SMYD1: variants seen among roughly 807,000 people sequenced by gnomAD.
SMYD1 encodes SET and MYND domain containing 1.
SMYD1 carries 49 observed loss-of-function variants against 54.0 expected under a neutral mutation model. The ratio of observed to expected loss-of-function variants is 0.91; its 90% CI spans 0.72 to 1.15. SMYD1 has a LOEUF of 1.15. Ranked by LOEUF, SMYD1 falls within the 50% of genes most tolerant of loss-of-function variation. The pLI is 0.00. For synonymous variants in SMYD1, 269 were observed against 234.2 expected (o/e 1.15, Z -1.36); for missense variants, 653 against 639.6 (o/e 1.02, Z -0.23).
chr2:88,091,382 C>A (rs1358205739), intron 4 of SMYD1, among the ~76,000 whole-genome samples: 1 of 152,190 alleles, frequency 6.6e-6, no homozygotes, highest in African/African-American at 2.4e-5. Context: ...GCTGCCTGGA[C>A]AGGTTAGATA....
intron 5 of SMYD1, among the ~76,000 whole-genome samples, chr2:88,096,205 AG>A (rs1674581854): frequency 6.6e-6 from 1 of 152,160 alleles, no homozygotes; most frequent in Non-Finnish European, 1.5e-5. Flanking sequence ...AAATATTTTT[AG>A]GTTTTTTCTT....
At chr2:88,082,672 G>A (rs2103986963) in intron 1 of SMYD1, 1 of 154,480 alleles carries the variant, frequency 6.5e-6, no homozygotes, top group East Asian at 1.9e-4. Flanking sequence ...GTGTATCAGA[G>A]GCCACCAGAA....
chr2:88,103,073 G>C lies in SMYD1; in HGVS notation c.904G>C (p.Val302Leu). The C allele has an allele frequency of 6.2e-7, 1 of 1,614,088 alleles. No homozygotes were observed. The highest frequency in any genetic ancestry group is 8.5e-7 in the Non-Finnish European group (1 of 1,179,982). Reference protein sequence around the residue: ...KDNPKPSQEVVKEMIQFSKDT... With the variant: ...KDNPKPSQEVLKEMIQFSKDT... The stretch of plus-strand genomic sequence containing the variant: ...TCTTTCCCAGCCCTCTCAGGAAGTG[G>C]TGAAGGAGATGATACAATTCTCCAA... Residue 302 changes from valine to leucine, a missense_variant, in exon 7 of 10, where the codon GTG becomes CTG. By Grantham distance (32) the Val-to-Leu change is conservative. Transcript: ENST00000419482.
At chr2:88,089,068 C>T (rs1674404914) in intron 3 of SMYD1, among the ~76,000 whole-genome samples, 1 of 152,198 alleles carries the variant, frequency 6.6e-6, no homozygotes, top group Non-Finnish European at 1.5e-5. Context: ...GGATTTGGCT[C>T]ACGCAATGGT....
chr2:88,106,443 T>C lies in SMYD1; in HGVS notation c.1100T>C (p.Phe367Ser). The C allele has an allele frequency of 6.2e-7, 1 of 1,614,182 alleles. No individual in the cohort carries two copies. Among genetic ancestry groups the C allele is most frequent in the Admixed American group, 1.7e-5 (1 of 60,024 alleles). ...VSEVLSYLQA[F>S]EEASFYARRM... Reference sequence around the variant, plus strand: ...GAGGTCCTTTCCTACCTCCAGGCCTTTGAGGAGGCCTCGTTCTATGCCAGG... The same window carrying C: ...GAGGTCCTTTCCTACCTCCAGGCCTCTGAGGAGGCCTCGTTCTATGCCAGG... The change falls in exon 8 of 10, where the codon TTT (phenylalanine) becomes TCT (serine). Residue 367 changes from phenylalanine (F) to serine (S), a missense_variant. By Grantham distance (155) the Phe-to-Ser change is radical (BLOSUM62 -2). Transcript: ENST00000419482.
intron 1 of SMYD1, among the ~76,000 whole-genome samples, chr2:88,082,133 A>C (rs986059229): frequency 6.6e-6 from 1 of 152,090 alleles, no homozygotes; most frequent in African/African-American, 2.4e-5. Flanking sequence ...TGACCTTCTC[A>C]GGGAGGGTGC....
At chr2:88,077,011 CAA>C (rs112988082) in intron 1 of SMYD1, among the ~76,000 whole-genome samples, 34 of 117,112 alleles carry the variant, frequency 2.9e-4, no homozygotes, top group Non-Finnish European at 2.5e-4. Flanking sequence ...GACCCTGTCT[CAA>C]AAAAAAAAAA....
At chr2:88,107,652 CT>C (rs1249740219) in intron 8 of SMYD1, among the ~76,000 whole-genome samples, 1 of 152,238 alleles carries the variant, frequency 6.6e-6, no homozygotes, top group East Asian at 1.9e-4. Flanking sequence ...GCGGGCGCCC[CT>C]CCCCCAGCCT....
intron 1 of SMYD1, among the ~76,000 whole-genome samples, chr2:88,080,123 C>A (rs1349238551): frequency 1.3e-5 from 2 of 152,148 alleles, no homozygotes; most frequent in Admixed American, 6.5e-5. Context: ...CAGAGTTGTT[C>A]CAGGTTGTGT....
At chr2:88,071,925 A>G (rs781209336) in intron 1 of SMYD1, among the ~76,000 whole-genome samples, 80 of 151,894 alleles carry the variant, frequency 5.3e-4, no homozygotes, top group Non-Finnish European at 1.0e-3. Context: ...CATGGGGTCA[A>G]ACTGGGAATT....
chr2:88,107,465 C>T, intron 8 of SMYD1, among the ~76,000 whole-genome samples: 1 of 152,202 alleles, frequency 6.6e-6, no homozygotes, highest in East Asian at 1.9e-4. Context: ...CTCCCTTGAC[C>T]TTCCTACCAC....
intron 1 of SMYD1, among the ~76,000 whole-genome samples, chr2:88,075,534 CTTTTTT>C (rs35091980): frequency 3.9e-5 from 4 of 103,578 alleles, no homozygotes; most frequent in African/African-American, 1.4e-4. Context: ...CCTTTTAATT[CTTTTTT>C]TTTTTTTTTT....
chr2:88,083,849 C>A (rs1558849778), intron 1 of SMYD1, among the ~76,000 whole-genome samples: 1 of 152,212 alleles, frequency 6.6e-6, no homozygotes, highest in Non-Finnish European at 1.5e-5. Context: ...GTAATCCCAG[C>A]ACTTTGGGAG....
rs1008227652 is a variant in SMYD1, at chr2:88,108,400, T to G, written c.1175T>G (p.Leu392Arg). The G allele has an allele frequency of 6.2e-7, 1 of 1,603,932 alleles. No individual in the cohort carries two copies. The highest frequency in any genetic ancestry group is 8.5e-7 in the Non-Finnish European group (1 of 1,176,082). ...MKLYHPNNAQ[L>R]GMAVMRAGLT... ...CTCTACCACCCCAACAATGCCCAAC[T>G]GGGCATGGCCGTGATGCGGGCAGGG... The change falls in exon 9 of 10, where the codon CTG becomes CGG. Residue 392 changes from leucine to arginine, a missense_variant. Coordinates refer to ENST00000419482, the MANE Select transcript of SMYD1 (RefSeq NM_198274.4).
intron 6 of SMYD1, among the ~76,000 whole-genome samples, chr2:88,098,995 CTT>C (rs1367548851): frequency 6.6e-6 from 1 of 152,144 alleles, no homozygotes; most frequent in South Asian, 2.1e-4. Context: ...AATAGCAAAA[CTT>C]ATGACATTTT....
At position 88,103,144 on chromosome 2, in the gene SMYD1, T is replaced by C. The variant is rs1216321297; in HGVS notation, c.975T>C (p.Tyr325=). 2.5e-6 allele frequency: 4 copies of C among 1,613,236 alleles called. No homozygotes were observed. The highest frequency in any genetic ancestry group is 2.5e-6 in the Non-Finnish European group (3 of 1,179,604). The change falls in exon 7 of 10, where the codon TAT becomes TAC. Residue 325 remains tyrosine (Y), a synonymous_variant. Transcript: ENST00000419482. ...ACAAGGCTCGTTCCGAGGGTTTGTA[T>C]CATGAGGTAAGAATTCACTTGTTAT... The part of the protein sequence containing the change: ...KIDKARSEGL[Y]HEVVKLCREC...
chr2:88,068,114 T>TG, intron 1 of SMYD1, 113 bp downstream of exon 1: 1 of 1,419,480 alleles, frequency 7.0e-7, no homozygotes, highest in Non-Finnish European at 9.4e-7. Context: ...TGTGCTCTTT[T>TG]TTCAACAAAA....
At chr2:88,071,701 G>T (rs2970928) in intron 1 of SMYD1, among the ~76,000 whole-genome samples, 137,597 of 152,172 alleles carry the variant, frequency 0.9, 62,404 homozygotes, top group East Asian at 1. Flanking sequence ...TGTGGTTGGG[G>T]GCTGGAAGGG....
rs191950835 is a variant in SMYD1 at position 88,102,573 on chromosome 2, G to A, written c.889-485G>A. Among the ~76,000 whole-genome samples, 468 of 152,342 alleles carry A rather than the reference G, an allele frequency of 3.1e-3. 4 individuals carry two copies. The highest frequency in any genetic ancestry group is 4.9e-3 in the Non-Finnish European group (331 of 68,040). Reference sequence around the variant, plus strand: ...TTAATGAACTCGAAGACAAATTGGAGTATGATTTTTGGGTCAAGTCCCTGG... The same window carrying A: ...TTAATGAACTCGAAGACAAATTGGAATATGATTTTTGGGTCAAGTCCCTGG... On this transcript the variant is annotated intron_variant, in intron 6 of 9. Transcript: ENST00000419482.
Sources: gnomAD v4.1 joint callset for allele counts (sites outside exome capture counted in the v4.1 genomes callset) on GRCh38, gnomAD v4.1.1 for gene constraint, MANE v1.5 for transcripts, NCBI Gene and HGNC (gene_info 2026-07-23, HGNC 2026-07-21) for gene names.